SPATA17: variants seen among roughly 807,000 people sequenced by gnomAD.
SPATA17 encodes spermatogenesis-associated protein 17.
In SPATA17, 53 loss-of-function variants were observed where a neutral mutation model predicts 62.2. The ratio of observed to expected loss-of-function variants is 0.85; its 90% CI spans 0.68 to 1.07. SPATA17 has a LOEUF of 1.07. SPATA17 is among the 50% of genes least tolerant of loss of function. SPATA17 has a pLI of 0.00. For synonymous variants in SPATA17, 146 were observed against 146.8 expected (o/e 0.99, Z 0.04); for missense variants, 466 against 425.5 (o/e 1.10, Z -0.84).
At chr1:217,823,914 C>A (rs1674927980) in intron 9 of SPATA17, among the ~76,000 whole-genome samples, 1 of 151,968 alleles carries the variant, frequency 6.6e-6, no homozygotes, top group African/African-American at 2.4e-5. Flanking sequence ...ATACAAGTAT[C>A]AATACTCCTG....
At chr1:217,778,955 A>C (rs1483071579) in intron 7 of SPATA17, among the ~76,000 whole-genome samples, 2 of 152,132 alleles carry the variant, frequency 1.3e-5, no homozygotes, top group Non-Finnish European at 2.9e-5. Flanking sequence ...ACATATACCT[A>C]TATACATAAG....
chr1:217,781,991 G>T, intron 7 of SPATA17, 183 bp from the exon 8 acceptor site: 1 of 482,318 alleles, frequency 2.1e-6, no homozygotes, highest in Non-Finnish European at 3.3e-6. Context: ...TTACTTGAGA[G>T]AACATTGCTT....
At chr1:217,655,358 C>T (rs1414029817) in intron 3 of SPATA17, among the ~76,000 whole-genome samples, 1 of 152,138 alleles carries the variant, frequency 6.6e-6, no homozygotes, top group Non-Finnish European at 1.5e-5. Flanking sequence ...AAATACATCT[C>T]AATACATCAT....
intron 6 of SPATA17, among the ~76,000 whole-genome samples, chr1:217,752,336 T>A (rs373587916): frequency 1.3e-5 from 2 of 152,306 alleles, no homozygotes; most frequent in African/African-American, 2.4e-5. Flanking sequence ...CAATATTTTT[T>A]ATAATGAGAA....
intron 6 of SPATA17, among the ~76,000 whole-genome samples, chr1:217,747,120 G>A (rs1168817408): frequency 6.6e-6 from 1 of 152,016 alleles, no homozygotes; most frequent in African/African-American, 2.4e-5. Context: ...ACTAATTTTG[G>A]TTGATTTGGA....
At chr1:217,782,985 A>T (rs1169386016) in intron 8 of SPATA17, among the ~76,000 whole-genome samples, 1 of 151,638 alleles carries the variant, frequency 6.6e-6, no homozygotes, top group Non-Finnish European at 1.5e-5. Flanking sequence ...ATTATTCTGT[A>T]ATGTCTCACA....
At chr1:217,709,906 CA>C (rs1671818084) in intron 5 of SPATA17, among the ~76,000 whole-genome samples, 1 of 151,960 alleles carries the variant, frequency 6.6e-6, no homozygotes, top group South Asian at 2.1e-4. Flanking sequence ...TTACTTATAC[CA>C]GCAACAATTA....
At chr1:217,634,884 G>A (rs929938541) in intron 1 of SPATA17, among the ~76,000 whole-genome samples, 7 of 143,618 alleles carry the variant, frequency 4.9e-5, no homozygotes, top group African/African-American at 1.8e-4. Context: ...TCACTTGACA[G>A]AGTATTGGCC....
At chr1:217,833,314 G>A (rs1216371681) in intron 9 of SPATA17, among the ~76,000 whole-genome samples, 2 of 152,124 alleles carry the variant, frequency 1.3e-5, no homozygotes, top group African/African-American at 4.8e-5. Context: ...GTCATCAACT[G>A]GAGAAGAAGT....
intron 8 of SPATA17, among the ~76,000 whole-genome samples, chr1:217,797,006 C>T (rs1201185069): frequency 6.6e-6 from 1 of 152,046 alleles, no homozygotes; most frequent in South Asian, 2.1e-4. Context: ...CTAGAAGGAG[C>T]AAAATTATTC....
chr1:217,651,440 C>T (rs142304611), intron 3 of SPATA17, among the ~76,000 whole-genome samples: 1 of 152,158 alleles, frequency 6.6e-6, no homozygotes, highest in African/African-American at 2.4e-5. Flanking sequence ...TGCATTTATA[C>T]TTATTTATTG....
intron 3 of SPATA17, among the ~76,000 whole-genome samples, chr1:217,666,644 A>G (rs1181991552): frequency 6.6e-6 from 1 of 152,126 alleles, no homozygotes; most frequent in Non-Finnish European, 1.5e-5. Context: ...ATTGTTACAT[A>G]ACCATCACCA....
chr1:217,835,737 G>A (rs1474255652), intron 9 of SPATA17, among the ~76,000 whole-genome samples: 4 of 152,132 alleles, frequency 2.6e-5, no homozygotes, highest in African/African-American at 9.7e-5. Flanking sequence ...CCTGAATTCT[G>A]TTAAGGTGTA....
At chr1:217,697,267 C>G (rs115764543) in intron 5 of SPATA17, among the ~76,000 whole-genome samples, 7,665 of 152,264 alleles carry the variant, frequency 0.05, 256 homozygotes, top group Middle Eastern at 0.12. Flanking sequence ...AGGCGTGAGT[C>G]GCCGAGACTG....
intron 5 of SPATA17, among the ~76,000 whole-genome samples, chr1:217,733,063 T>C (rs1672434008): frequency 6.6e-6 from 1 of 152,188 alleles, no homozygotes; most frequent in Non-Finnish European, 1.5e-5. Context: ...GTCTTATTGC[T>C]TTTTATAATC....
chr1:217,747,063 AAC>A (rs1450526008), intron 6 of SPATA17, among the ~76,000 whole-genome samples: 1 of 152,100 alleles, frequency 6.6e-6, no homozygotes, highest in Non-Finnish European at 1.5e-5. Context: ...TTATTAAATG[AAC>A]ACATCAAGAA....
chr1:217,782,625 A>G (rs1326167471), intron 8 of SPATA17, among the ~76,000 whole-genome samples: 1 of 152,154 alleles, frequency 6.6e-6, no homozygotes, highest in Non-Finnish European at 1.5e-5. Context: ...AAGCATACAT[A>G]TTTATGAAAC....
intron 9 of SPATA17, among the ~76,000 whole-genome samples, chr1:217,807,382 C>T (rs1674458358): frequency 6.6e-6 from 1 of 151,862 alleles, no homozygotes; most frequent in African/African-American, 2.4e-5. Flanking sequence ...ATTCATATAA[C>T]AAACCTGTAT....
At chr1:217,844,982 A>G (rs572440593) in intron 9 of SPATA17, among the ~76,000 whole-genome samples, 42 of 152,244 alleles carry the variant, frequency 2.8e-4, no homozygotes, top group African/African-American at 1.0e-3. Flanking sequence ...TACTACATGC[A>G]TAATGAATTT....
Sources: gnomAD v4.1 joint callset for allele counts (sites outside exome capture counted in the v4.1 genomes callset) on GRCh38, gnomAD v4.1.1 for gene constraint, MANE v1.5 for transcripts, NCBI Gene and HGNC (gene_info 2026-07-23, HGNC 2026-07-21) for gene names.